CCDC124: variants seen among roughly 807,000 people sequenced by gnomAD.
The protein encoded by CCDC124 is coiled-coil domain-containing protein 124.
In CCDC124, 9 loss-of-function variants were observed where a neutral mutation model predicts 19.8. The ratio of observed to expected loss-of-function variants is 0.45; its 90% confidence interval spans 0.27 to 0.79. The LOEUF is 0.79. CCDC124 is among the 30% of genes least tolerant of loss of function. CCDC124 has a pLI of 0.14. For missense variants in CCDC124, 285 were observed against 319.0 expected, an observed-to-expected ratio of 0.89 and a Z score of 0.81; for synonymous variants, 126 against 131.3, an observed-to-expected ratio of 0.96 and a Z score of 0.27.
chr19:17,942,992 C>A lies in CCDC124; in HGVS notation c.349+147C>A. 5 of 1,009,542 alleles carry A rather than the reference C, an allele frequency of 5.0e-6. No individual in the cohort carries two copies. The highest frequency in any genetic ancestry group is 7.1e-6 in the Non-Finnish European group (5 of 708,168). The allele number at this position is 1,009,542 out of a possible 1,614,324, so 62.5% of individuals were successfully genotyped here. The stretch of plus-strand genomic sequence containing the variant: ...GGTGGGTAGGCCGCCTCCTGGTAGG[C>A]CTGGCCGTGAGCAGACAACCTCAGG... On this transcript the variant is annotated intron_variant, in intron 3 of 4. Coordinates refer to ENST00000445755, the MANE Select transcript of CCDC124 (RefSeq NM_001136203.2). The surrounding 1 kb of genome is among the most constrained non-coding windows in gnomAD (Gnocchi z 4.2).
Position 17,943,120 on chromosome 19 carries a change from T to C in CCDC124, c.350-141T>C, listed in dbSNP as rs1257109188. 1.5e-5 allele frequency: 12 copies of C among 783,306 alleles called. No homozygotes were observed. The Admixed American group carries it at 2.1e-4, about 13-fold the overall frequency. 48.5% of individuals were successfully genotyped at this position (783,306 alleles called of 1,614,324 possible). ...ACCTGTCCCAAGAGGGCTTATCAGC[T>C]GAAGTCGCGATTCCATCCCCCCTCA... On this transcript the variant is annotated intron_variant, in intron 3 of 4. Transcript: ENST00000445755.
rs7249080 is a variant in CCDC124 at position 17,942,555 on chromosome 19, G to C, written c.160-101G>C. On this transcript the variant is annotated intron_variant, in intron 2 of 4. Coordinates refer to ENST00000445755, the MANE Select transcript of CCDC124 (RefSeq NM_001136203.2). The surrounding 1 kb of genome is among the most constrained non-coding windows in gnomAD (Gnocchi z 4.2). The stretch of plus-strand genomic sequence containing the variant: ...GTATGTCCCCTGCACCCAGCACAGA[G>C]CCTAAATCCTCGTTGGCTGAGATGA... 0.1 allele frequency: 133,675 copies of C among 1,337,204 alleles called. 7,480 individuals are homozygous for C. Among genetic ancestry groups the C allele is most frequent in the Non-Finnish European group, 0.12 (113,631 of 970,864 alleles). 82.8% of individuals were successfully genotyped at this position (1,337,204 alleles called of 1,614,324 possible). A position where few individuals can be genotyped will look rare whatever the true frequency, so the allele number is the denominator to read the frequency against.
Position 17,936,474 on chromosome 19 carries a change from T to A in CCDC124, c.54T>A (p.Arg18=). ...ENTKSAAARA[R]RAEAKAAADA... ...CCAAGTCGGCAGCGGCCCGGGCACG[T>A]AGGGCAGAGGCCAAGGCGGCCGCTG... is the stretch of plus-strand genomic sequence containing the variant. The change falls in exon 2 of 5, where the codon CGT becomes CGA. Residue 18 remains arginine, a synonymous_variant. Transcript: ENST00000445755. 6.2e-7 allele frequency: 1 copy of A among 1,612,472 alleles called. No homozygotes were observed. The highest frequency in any genetic ancestry group is 1.1e-5 in the South Asian group (1 of 90,986).
At chr19:17,936,337 T>A in intron 1 of CCDC124, 73 bp from the exon 2 acceptor site, 1 of 1,305,394 alleles carries the variant, frequency 7.7e-7, no homozygotes, top group Non-Finnish European at 1.1e-6. Flanking sequence ...GCTGCCCAAG[T>A]GTGATTCTGG....
chr19:17,942,645 C>A lies in CCDC124; in HGVS notation c.160-11C>A. On this transcript the variant is annotated splice_polypyrimidine_tract_variant and intron_variant, in intron 2 of 4. Transcript: ENST00000445755. This position sits in a 1 kb window ranked among gnomAD's most constrained non-coding sequence, Gnocchi z 4.2. Reference sequence around the variant, plus strand: ...GGGTCTTCTGCCTGACCATGCACGCCGCCCCCGCAGGAGGAGAAGGAGAAG... The same window carrying A: ...GGGTCTTCTGCCTGACCATGCACGCAGCCCCCGCAGGAGGAGAAGGAGAAG... 1 of 1,552,492 alleles carries A rather than the reference C, an allele frequency of 6.4e-7. No homozygotes were observed. Among genetic ancestry groups the A allele is most frequent in the South Asian group, 1.2e-5 (1 of 84,214 alleles).
chr19:17,941,546 A>G (rs963219341), intron 2 of CCDC124, among the ~76,000 whole-genome samples: 2 of 151,464 alleles, frequency 1.3e-5, no homozygotes, highest in Non-Finnish European at 2.9e-5. Flanking sequence ...CTGAGGCAGA[A>G]TGTGTGTGTG....
At chr19:17,934,178 G>A (rs929220291) in intron 1 of CCDC124, among the ~76,000 whole-genome samples, 2 of 151,644 alleles carry the variant, frequency 1.3e-5, no homozygotes, top group Non-Finnish European at 2.9e-5. Context: ...ACAAAAATCA[G>A]ATAGGCATGG....
chr19:17,940,558 C>T (rs1305944662), intron 2 of CCDC124, among the ~76,000 whole-genome samples: 1 of 151,586 alleles, frequency 6.6e-6, no homozygotes, highest in Non-Finnish European at 1.5e-5. Flanking sequence ...CAAGGTCAGG[C>T]GTTCGAGACC....
At position 17,943,250 on chromosome 19, in the gene CCDC124, CA is replaced by C; in HGVS notation, c.350-10del. ...TCTCTCTCTGTCTCTGTCACCCACC[CA>C]CCCGCCCAGCCGAGAAAGCCAAGAG... On this transcript the variant is annotated splice_polypyrimidine_tract_variant and intron_variant, in intron 3 of 4. Coordinates refer to ENST00000445755, the MANE Select transcript of CCDC124 (RefSeq NM_001136203.2). The C allele has an allele frequency of 1.1e-6, 1 of 886,614 alleles. No homozygotes were observed. The highest frequency in any genetic ancestry group is 1.8e-6 in the Non-Finnish European group (1 of 561,030). 54.9% of individuals were successfully genotyped at this position (886,614 alleles called of 1,614,324 possible).
At chr19:17,937,728 T>C (rs1382511007) in intron 2 of CCDC124, among the ~76,000 whole-genome samples, 1 of 151,880 alleles carries the variant, frequency 6.6e-6, no homozygotes, top group Non-Finnish European at 1.5e-5. Flanking sequence ...TCTAGGTGTT[T>C]ATTTTATTTT....
rs2031219094 is a variant in CCDC124 at position 17,942,923 on chromosome 19, C to T, written c.349+78C>T. 1.4e-6 allele frequency: 2 copies of T among 1,436,004 alleles called. No homozygotes were observed. The highest frequency in any genetic ancestry group is 1.4e-5 in the African/African-American group (1 of 69,538). 89.0% of individuals were successfully genotyped at this position (1,436,004 alleles called of 1,614,324 possible). On this transcript the variant is annotated intron_variant, in intron 3 of 4. Transcript: ENST00000445755. This position sits in a 1 kb window ranked among gnomAD's most constrained non-coding sequence, Gnocchi z 4.2. ...GGACCTTGAGTCCATTAGCCCCCTCCTGGCCCCCAGAGAAGCTGCCGGGGC... is the reference window on the plus strand; with the variant it reads ...GGACCTTGAGTCCATTAGCCCCCTCTTGGCCCCCAGAGAAGCTGCCGGGGC...
Position 17,943,241 on chromosome 19 carries a change from T to TCTGGGGGGCC in CCDC124, c.350-19_350-18insTGGGGGGCCC. The TCTGGGGGGCC allele has an allele frequency of 1.4e-6, 1 of 736,678 alleles. No homozygotes were observed. Among genetic ancestry groups the TCTGGGGGGCC allele is most frequent in the Non-Finnish European group, 2.4e-6 (1 of 414,970 alleles). 45.6% of individuals were successfully genotyped at this position (736,678 alleles called of 1,614,324 possible). A position where few individuals can be genotyped will look rare whatever the true frequency, so the allele number is the denominator to read the frequency against. On this transcript the variant is annotated intron_variant, in intron 3 of 4. Coordinates refer to ENST00000445755, the MANE Select transcript of CCDC124 (RefSeq NM_001136203.2). ...CTTTGCTTATCTCTCTCTGTCTCTG[T>TCTGGGGGGCC]CACCCACCCACCCGCCCAGCCGAGA...
rs987379520 is a variant in CCDC124 at position 17,942,136 on chromosome 19, G to A, written c.160-520G>A. ...GACCCACGGCAGGGAAACGTGGACA[G>A]TGCTGCCCGACTCATAAGGGCAGAG... On this transcript the variant is annotated intron_variant, in intron 2 of 4. Transcript: ENST00000445755. The surrounding 1 kb of genome is among the most constrained non-coding windows in gnomAD (Gnocchi z 4.2). 6.6e-6 allele frequency among the ~76,000 whole-genome samples: 1 copy of A among 152,148 alleles called. No homozygotes were observed. Among genetic ancestry groups the A allele is most frequent in the African/African-American group, 2.4e-5 (1 of 41,414 alleles).
chr19:17,937,547 G>A (rs2031092156), intron 2 of CCDC124, among the ~76,000 whole-genome samples: 1 of 152,094 alleles, frequency 6.6e-6, no homozygotes, highest in Non-Finnish European at 1.5e-5. Context: ...CGGGGAGAGG[G>A]GGTGTTGCTG....
chr19:17,935,057 A>AG (rs1599960090), intron 1 of CCDC124: 1 of 152,180 alleles, frequency 6.6e-6, no homozygotes, highest in African/African-American at 2.4e-5. Flanking sequence ...CTGGAACTAC[A>AG]GGCACAAGCC....
At position 17,943,259 on chromosome 19, in the gene CCDC124, A is replaced by T; in HGVS notation, c.350-2A>T. The T allele has an allele frequency of 1.8e-5, 2 of 109,408 alleles. No homozygotes were observed. The highest frequency in any genetic ancestry group is 1.8e-5 in the Non-Finnish European group (1 of 57,124). 6.8% of individuals were successfully genotyped at this position (109,408 alleles called of 1,614,324 possible). A position where few individuals can be genotyped will look rare whatever the true frequency, so the allele number is the denominator to read the frequency against. On this transcript the variant is annotated splice_acceptor_variant, in intron 3 of 4. Coordinates refer to ENST00000445755, the MANE Select transcript of CCDC124 (RefSeq NM_001136203.2). LOFTEE classifies it high-confidence loss of function. ...GTCTCTGTCACCCACCCACCCGCCCAGCCGAGAAAGCCAAGAGCCATCTGG... is the reference window on the plus strand; with the variant it reads ...GTCTCTGTCACCCACCCACCCGCCCTGCCGAGAAAGCCAAGAGCCATCTGG...
chr19:17,940,543 G>A (rs1235262973), intron 2 of CCDC124, among the ~76,000 whole-genome samples: 1 of 151,840 alleles, frequency 6.6e-6, no homozygotes, highest in Non-Finnish European at 1.5e-5. Context: ...AAGGCAGGTG[G>A]ATTACAAGGT....
intron 1 of CCDC124, among the ~76,000 whole-genome samples, chr19:17,933,955 G>C (rs2031003083): frequency 6.6e-6 from 1 of 152,214 alleles, no homozygotes; most frequent in African/African-American, 2.4e-5. Context: ...GTGAGTGAGT[G>C]TTTACTACAC....
rs1437949648 is a variant in CCDC124, at chr19:17,943,638, C to G, written c.595C>G (p.Leu199Val). 1 of 1,612,884 alleles carries G rather than the reference C, an allele frequency of 6.2e-7. No individual in the cohort carries two copies. Among genetic ancestry groups the G allele is most frequent in the Non-Finnish European group, 8.5e-7 (1 of 1,179,974 alleles). The change falls in exon 5 of 5, where the codon CTG (leucine) becomes GTG (valine). Residue 199 changes from leucine to valine, a missense_variant. Coordinates refer to ENST00000445755, the MANE Select transcript of CCDC124 (RefSeq NM_001136203.2). ...CATGCGGCTGTCGCAGCTGAAACAG[C>G]TGCTCAAGAAGGAGTGGCTCCGCTC... ...PNMRLSQLKQ[L>V]LKKEWLRSPD...
Sources: gnomAD v4.1 joint callset for allele counts (sites outside exome capture counted in the v4.1 genomes callset) on GRCh38, gnomAD v4.1.1 for gene constraint, Gnocchi (gnomAD v3.1) non-coding constraint, MANE v1.5 for transcripts, NCBI Gene and HGNC (gene_info 2026-07-23, HGNC 2026-07-21) for gene names.